Variants in NRXN1 observed in about 807,000 individuals in gnomAD.
NRXN1 encodes the protein neurexin 1.
NRXN1 carries 39 observed loss-of-function variants against 150.9 expected under a neutral mutation model. The ratio of observed to expected loss-of-function variants is 0.26; its 90% CI spans 0.20 to 0.34. The LOEUF is 0.34. Ranked by LOEUF, NRXN1 falls within the 10% of genes least tolerant of loss-of-function variation. NRXN1 has a pLI of 1.00. For missense variants in NRXN1, 1,815 were observed against 1,949.9 expected (o/e 0.93, Z 1.30); for synonymous variants, 924 against 757.0 (o/e 1.22, Z -3.62).
chr2:50,885,349 C>T (rs899589986), intron 5 of NRXN1, among the ~76,000 whole-genome samples: 1 of 150,246 alleles, frequency 6.7e-6, no homozygotes, highest in Non-Finnish European at 1.5e-5. Flanking sequence ...TAAAATAAAA[C>T]AGGTTTAAAC....
intron 17 of NRXN1, among the ~76,000 whole-genome samples, chr2:50,398,948 T>A (rs1354063182): frequency 6.6e-6 from 1 of 152,132 alleles, no homozygotes; most frequent in African/African-American, 2.4e-5. Context: ...AGCATATACA[T>A]GAAAGAAACT....
intron 21 of NRXN1, among the ~76,000 whole-genome samples, chr2:49,997,984 T>C (rs2152529265): frequency 6.6e-6 from 1 of 152,192 alleles, no homozygotes; most frequent in East Asian, 2.0e-4. Context: ...TTTTATAAAA[T>C]GCTGCTGCAT....
At chr2:50,795,445 T>C (rs1706679629) in intron 5 of NRXN1, among the ~76,000 whole-genome samples, 1 of 152,110 alleles carries the variant, frequency 6.6e-6, no homozygotes, top group South Asian at 2.1e-4. Context: ...AACTAAAAGA[T>C]CAATCCACTC....
At chr2:50,206,694 T>A (rs2062607473) in intron 18 of NRXN1, among the ~76,000 whole-genome samples, 1 of 152,090 alleles carries the variant, frequency 6.6e-6, no homozygotes, top group Non-Finnish European at 1.5e-5. Flanking sequence ...TTTTGTTTTG[T>A]TTTCAGCTTT....
chr2:50,329,607 GTGTGTGTGTGTATATATATATATATA>G (rs2076633337), intron 17 of NRXN1, among the ~76,000 whole-genome samples: 1 of 25,924 alleles, frequency 3.9e-5, no homozygotes, highest in African/African-American at 1.4e-4. Context: ...GTGTGTGTGT[GTGTGTGTGTGTATATATATATATATA>G]TATATATATA....
At chr2:50,269,717 T>C (rs1170688476) in intron 17 of NRXN1, among the ~76,000 whole-genome samples, 1 of 152,210 alleles carries the variant, frequency 6.6e-6, no homozygotes, top group African/African-American at 2.4e-5. Flanking sequence ...ATATATAAAT[T>C]AGCGCAATTT....
intron 17 of NRXN1, among the ~76,000 whole-genome samples, chr2:50,259,745 T>A (rs966944677): frequency 6.6e-6 from 1 of 151,896 alleles, no homozygotes; most frequent in Non-Finnish European, 1.5e-5. Context: ...TTTCCAAAAA[T>A]GTTAAGAAAT....
At chr2:50,033,845 A>G (rs991691991) in intron 21 of NRXN1, among the ~76,000 whole-genome samples, 1 of 152,094 alleles carries the variant, frequency 6.6e-6, no homozygotes, top group African/African-American at 2.4e-5. Flanking sequence ...TCAAAAGCAG[A>G]CATACATGCA....
intron 8 of NRXN1, among the ~76,000 whole-genome samples, chr2:50,558,898 C>A (rs1277037830): frequency 6.6e-6 from 1 of 151,946 alleles, no homozygotes; most frequent in Non-Finnish European, 1.5e-5. Context: ...CTGGCTAACA[C>A]GGTGAAACCC....
At chr2:50,178,408 T>C (rs756490486) in intron 18 of NRXN1, among the ~76,000 whole-genome samples, 2 of 152,062 alleles carry the variant, frequency 1.3e-5, no homozygotes, top group Non-Finnish European at 2.9e-5. Flanking sequence ...ATAAATGTCT[T>C]CTTCATTAAA....
At chr2:50,866,744 G>A (rs1198354602) in intron 5 of NRXN1, among the ~76,000 whole-genome samples, 1 of 151,880 alleles carries the variant, frequency 6.6e-6, no homozygotes, top group Non-Finnish European at 1.5e-5. Flanking sequence ...TAGTATTAGA[G>A]TTTATGGAAC....
chr2:50,244,240 A>C, intron 17 of NRXN1, among the ~76,000 whole-genome samples: 1 of 151,924 alleles, frequency 6.6e-6, no homozygotes, highest in Non-Finnish European at 1.5e-5. Flanking sequence ...TAAGTGAAAT[A>C]ATTATTTAAA....
chr2:50,684,890 A>G (rs1690983057), intron 5 of NRXN1, among the ~76,000 whole-genome samples: 1 of 152,196 alleles, frequency 6.6e-6, no homozygotes, highest in Non-Finnish European at 1.5e-5. Context: ...TAATACTTGA[A>G]GAGTACTGGG....
chr2:50,363,605 G>C (rs1176854016), intron 17 of NRXN1, among the ~76,000 whole-genome samples: 1 of 152,162 alleles, frequency 6.6e-6, no homozygotes, highest in Non-Finnish European at 1.5e-5. Flanking sequence ...ATGCTGGAGA[G>C]GATGTGGAGA....
chr2:50,327,198 T>C (rs1251590288), intron 17 of NRXN1, among the ~76,000 whole-genome samples: 2 of 152,154 alleles, frequency 1.3e-5, no homozygotes, highest in African/African-American at 2.4e-5. Context: ...CAATGGAATA[T>C]GACTCAGAAA....
At chr2:50,970,231 G>A (rs1362196405) in intron 2 of NRXN1, among the ~76,000 whole-genome samples, 1 of 152,134 alleles carries the variant, frequency 6.6e-6, no homozygotes, top group Non-Finnish European at 1.5e-5. Flanking sequence ...CTGCCTTGGG[G>A]AAGAGGGATT....
chr2:50,387,540 C>A (rs935201266), intron 17 of NRXN1, among the ~76,000 whole-genome samples: 6 of 152,090 alleles, frequency 3.9e-5, no homozygotes, highest in Non-Finnish European at 8.8e-5. Flanking sequence ...ACTGTTTTAA[C>A]CTTTACATTT....
chr2:50,641,879 C>G (rs1339889308), intron 5 of NRXN1, among the ~76,000 whole-genome samples: 1 of 152,080 alleles, frequency 6.6e-6, no homozygotes, highest in Non-Finnish European at 1.5e-5. Context: ...CTGACATCCA[C>G]TGAGTTCTTG....
intron 17 of NRXN1, among the ~76,000 whole-genome samples, chr2:50,429,996 T>G (rs976411434): frequency 1.2e-4 from 18 of 152,170 alleles, no homozygotes; most frequent in African/African-American, 4.3e-4. Context: ...TATATTCACA[T>G]AAAACAGAAT....
Sources: gnomAD v4.1 joint callset for allele counts (sites outside exome capture counted in the v4.1 genomes callset) on GRCh38, gnomAD v4.1.1 for gene constraint, MANE v1.5 for transcripts, NCBI Gene and HGNC (gene_info 2026-07-23, HGNC 2026-07-21) for gene names.